Variants in GHR observed in about 807,000 individuals in gnomAD.
The protein encoded by GHR is GH receptor.
A neutral mutation model predicts 67.1 loss-of-function variants in GHR; 35 were observed. The observed-to-expected ratio is 0.52, with a 90% CI of 0.40 to 0.69. The LOEUF is 0.69. Among genes scored for constraint, GHR ranks in the 30% least tolerant of loss-of-function variants. GHR has a pLI of 0.00. For synonymous variants in GHR, 272 were observed against 269.1 expected, an observed-to-expected ratio of 1.01 and a Z score of -0.10; for missense variants, 792 against 764.6, an observed-to-expected ratio of 1.04 and a Z score of -0.42.
chr5:42,544,214 G>T (rs1190488578), intron 1 of GHR, among the ~76,000 whole-genome samples: 1 of 152,014 alleles, frequency 6.6e-6, no homozygotes, highest in Non-Finnish European at 1.5e-5. Context: ...TAAAATAGCA[G>T]AAAGAAAAAG....
chr5:42,717,131 C>T (rs901882991), intron 8 of GHR, among the ~76,000 whole-genome samples: 1 of 152,080 alleles, frequency 6.6e-6, no homozygotes, highest in African/African-American at 2.4e-5. Flanking sequence ...ATGACTAGAG[C>T]AAGACTCCAT....
chr5:42,623,525 T>G (rs1753560770), intron 2 of GHR, among the ~76,000 whole-genome samples: 1 of 152,186 alleles, frequency 6.6e-6, no homozygotes, highest in South Asian at 2.1e-4. Context: ...CCTTTGTACC[T>G]TCTGCACCTT....
intron 3 of GHR, among the ~76,000 whole-genome samples, chr5:42,632,652 G>A (rs1251815147): frequency 6.6e-6 from 1 of 151,986 alleles, no homozygotes; most frequent in Non-Finnish European, 1.5e-5. Flanking sequence ...TTTTCTGGGG[G>A]AAAAAAGACC....
At chr5:42,501,260 A>T (rs1746529599) in intron 1 of GHR, among the ~76,000 whole-genome samples, 1 of 152,194 alleles carries the variant, frequency 6.6e-6, no homozygotes, top group African/African-American at 2.4e-5. Flanking sequence ...GTGTTCAATA[A>T]TGATTATAAA....
chr5:42,579,116 TAG>T (rs1750957506), intron 2 of GHR, among the ~76,000 whole-genome samples: 16 of 86,448 alleles, frequency 1.9e-4, no homozygotes, highest in African/African-American at 5.6e-4. Flanking sequence ...GATAGATAGA[TAG>T]ATAGATAGAT....
chr5:42,698,979 G>A (rs6875431), intron 5 of GHR, among the ~76,000 whole-genome samples: 6,445 of 152,202 alleles, frequency 0.042, 192 homozygotes, highest in African/African-American at 0.084. Context: ...ACAAATTTTC[G>A]TGGAACTGTA....
At chr5:42,441,549 G>A (rs985471955) in intron 1 of GHR, among the ~76,000 whole-genome samples, 6 of 151,604 alleles carry the variant, frequency 4.0e-5, no homozygotes, top group African/African-American at 4.9e-5. Context: ...TCGCCATGTC[G>A]CCCAGGCTGG....
At chr5:42,519,679 C>T (rs1747390613) in intron 1 of GHR, among the ~76,000 whole-genome samples, 1 of 152,122 alleles carries the variant, frequency 6.6e-6, no homozygotes, top group African/African-American at 2.4e-5. Context: ...GGCATTGACC[C>T]CTTATCTACA....
intron 1 of GHR, chr5:42,468,176 C>A: frequency 2.2e-6 from 3 of 1,382,634 alleles, no homozygotes; most frequent in Non-Finnish European, 3.1e-6. Flanking sequence ...TGACGAAACT[C>A]CCCTGGGGCC....
At chr5:42,558,426 G>T (rs570716633) in intron 1 of GHR, among the ~76,000 whole-genome samples, 2 of 152,162 alleles carry the variant, frequency 1.3e-5, no homozygotes, top group Admixed American at 1.3e-4. Context: ...ACCATAAAAT[G>T]TATATACGAA....
chr5:42,576,104 A>AAAATAAAATAAAAT lies in GHR; in HGVS notation c.70+10164_70+10177dup, dbSNP rs1579974789. 4.5e-3 allele frequency among the ~76,000 whole-genome samples: 357 copies of AAAATAAAATAAAAT among 79,272 alleles called. 2 individuals are homozygous for AAAATAAAATAAAAT. The highest frequency in any genetic ancestry group is 8.9e-3 in the East Asian group (34 of 3,812). The allele number at this position is 79,272 out of a possible 152,430, so 52.0% of individuals were successfully genotyped here. ...TAAAATAAAATAAAATAAAATAAATAAAATAAAATAAAATAAAATAAAATA... is the reference window on the plus strand; with the variant it reads ...TAAAATAAAATAAAATAAAATAAATAAAATAAAATAAAATAAATAAAATAAAATAAAATAAAATA... On this transcript the variant is annotated intron_variant, in intron 2 of 9. Transcript: ENST00000230882.
chr5:42,520,892 A>G (rs1053572615), intron 1 of GHR, among the ~76,000 whole-genome samples: 15 of 152,140 alleles, frequency 9.9e-5, no homozygotes, highest in African/African-American at 3.4e-4. Context: ...GAAGTTACAT[A>G]TGTGTCACCC....
chr5:42,687,066 C>T (rs777240587), intron 3 of GHR, among the ~76,000 whole-genome samples: 2 of 152,178 alleles, frequency 1.3e-5, no homozygotes, highest in African/African-American at 2.4e-5. Context: ...AGCAAACTCC[C>T]ATTCACAATT....
chr5:42,586,595 G>A (rs1015102378), intron 2 of GHR, among the ~76,000 whole-genome samples: 1 of 152,174 alleles, frequency 6.6e-6, no homozygotes, highest in Admixed American at 6.5e-5. Flanking sequence ...TTAATTAATT[G>A]TTGCTCTTAG....
intron 2 of GHR, among the ~76,000 whole-genome samples, chr5:42,617,385 TACACACACACACACAC>T (rs10581858): frequency 2.7e-5 from 4 of 149,258 alleles, no homozygotes; most frequent in South Asian, 4.3e-4. Context: ...AAGTTCATTT[TACACACACACACACAC>T]ACACACACAC....
At chr5:42,541,334 T>C (rs993226797) in intron 1 of GHR, among the ~76,000 whole-genome samples, 1 of 152,210 alleles carries the variant, frequency 6.6e-6, no homozygotes, top group African/African-American at 2.4e-5. Flanking sequence ...GAAAGAAGTC[T>C]GGGAGAAAAG....
chr5:42,681,961 T>C (rs1308427536), intron 3 of GHR, among the ~76,000 whole-genome samples: 3 of 129,474 alleles, frequency 2.3e-5, no homozygotes, highest in East Asian at 4.7e-4. Flanking sequence ...AAAAAAGACA[T>C]ATGCACACGT....
Position 42,718,939 on chromosome 5 carries a change from C to T in GHR, c.1432C>T (p.Pro478Ser). Reference sequence around the variant, plus strand: ...AGCTGCCCATATTCAGCTAAGCAATCCAAGTTCACTGTCAAACATCGACTT... The same window carrying T: ...AGCTGCCCATATTCAGCTAAGCAATTCAAGTTCACTGTCAAACATCGACTT... ...HQAAHIQLSN[P>S]SSLSNIDFYA... The change falls in exon 10 of 10, where the codon CCA becomes TCA. Residue 478 changes from proline to serine, a missense_variant. Transcript: ENST00000230882. 6.2e-7 allele frequency: 1 copy of T among 1,613,926 alleles called. No individual in the cohort carries two copies. The highest frequency in any genetic ancestry group is 1.7e-5 in the Admixed American group (1 of 60,002).
At chr5:42,625,812 G>GGGAA (rs1580079800) in intron 2 of GHR, among the ~76,000 whole-genome samples, 1 of 146,738 alleles carries the variant, frequency 6.8e-6, no homozygotes, top group Non-Finnish European at 1.5e-5. Flanking sequence ...GCCTGGATCT[G>GGGAA]GGAAGGAAGG....
Sources: allele counts gnomAD v4.1 joint callset (sites outside exome capture counted in the v4.1 genomes callset), GRCh38; gene constraint gnomAD v4.1.1; transcripts MANE v1.5; gene names NCBI Gene and HGNC (gene_info 2026-07-23, HGNC 2026-07-21).